The following ZKSCAN7 variants were observed in gnomAD, a reference collection of about 807,000 sequenced individuals.
ZKSCAN7 encodes zinc finger protein with KRAB and SCAN domains 7.
Under a neutral mutation model 65.3 loss-of-function variants are expected in ZKSCAN7, and 38 were observed. The ratio of observed to expected loss-of-function variants is 0.58; its 90% confidence interval spans 0.45 to 0.76. The LOEUF is 0.76. Among genes scored for constraint, ZKSCAN7 ranks in the 30% least tolerant of loss-of-function variants. The pLI, the probability that ZKSCAN7 is intolerant of heterozygous loss-of-function variation, is 0.00. For synonymous variants in ZKSCAN7, 321 were observed against 321.0 expected (o/e 1.00, Z 0.00); for missense variants, 815 against 913.3 (o/e 0.89, Z 1.39).
chr3:44,561,638 G>A (rs568779711), intron 2 of ZKSCAN7, among the ~76,000 whole-genome samples: 7 of 152,134 alleles, frequency 4.6e-5, no homozygotes, highest in African/African-American at 1.7e-4. Context: ...ATACAATGGG[G>A]ATATAGGCAT....
At chr3:44,558,874 G>GC (rs140012407) in intron 2 of ZKSCAN7, among the ~76,000 whole-genome samples, 265 of 145,636 alleles carry the variant, frequency 1.8e-3, no homozygotes, top group African/African-American at 6.6e-3. Context: ...CAGCCTCCTG[G>GC]CTCAAGTGAT....
intron 2 of ZKSCAN7, among the ~76,000 whole-genome samples, chr3:44,564,451 G>A (rs1020864939): frequency 6.6e-6 from 1 of 152,180 alleles, no homozygotes; most frequent in African/African-American, 2.4e-5. Context: ...TAGTGATCAA[G>A]ACAAAAGTTC....
intron 5 of ZKSCAN7, among the ~76,000 whole-genome samples, chr3:44,577,712 C>T (rs111509695): frequency 4.6e-5 from 7 of 152,124 alleles, no homozygotes; most frequent in African/African-American, 1.4e-4. Flanking sequence ...TTTTAGAATA[C>T]CACGGAAAAA....
chr3:44,571,656 T>A lies in ZKSCAN7; in HGVS notation c.*281T>A, dbSNP rs1699813103. The A allele has an allele frequency of 1.6e-6, 2 of 1,264,538 alleles. No individual in the cohort carries two copies. The highest frequency in any genetic ancestry group is 7.8e-5 in the Admixed American group (2 of 25,574). 78.3% of individuals were successfully genotyped at this position (1,264,538 alleles called of 1,614,324 possible). On this transcript the variant is annotated 3_prime_UTR_variant, in exon 6 of 6. Coordinates refer to ENST00000426540, the MANE Select transcript of ZKSCAN7 (RefSeq NM_001288590.2). ...ATCTATTTCATTTCTTAGTTATGCA[T>A]CTCATAATCAGACTCCATGCTTTTT...
In ZKSCAN7 at chr3:44,568,412, C is replaced by T; in HGVS notation, c.790C>T (p.His264Tyr). 1 of 1,614,144 alleles carries T rather than the reference C, an allele frequency of 6.2e-7. No homozygotes were observed. Among genetic ancestry groups the T allele is most frequent in the South Asian group, 1.1e-5 (1 of 91,072 alleles). ...GCAGTGGAACATGATGCCAGAAAATCACCATAGCATGGCCTCCTTGGGTAA... is the reference window on the plus strand; with the variant it reads ...GCAGTGGAACATGATGCCAGAAAATTACCATAGCATGGCCTCCTTGGGTAA... ...ALQWNMMPEN[H>Y]HSMASLAGEN... Residue 264 changes from histidine to tyrosine, a missense_variant, in exon 5 of 6, where the codon CAC becomes TAC. His to Tyr is a moderately conservative substitution (Grantham distance 83). This residue lies in a region of ZKSCAN7 where 578 missense variants were observed against 629.5 expected (regional missense o/e 0.92). Coordinates refer to ENST00000426540, the MANE Select transcript of ZKSCAN7 (RefSeq NM_001288590.2).
chr3:44,562,424 C>T (rs886318372), intron 2 of ZKSCAN7, among the ~76,000 whole-genome samples: 1 of 152,230 alleles, frequency 6.6e-6, no homozygotes, highest in Admixed American at 6.5e-5. Flanking sequence ...CTAAAATGCC[C>T]TGGAGACGTT....
Position 44,570,906 on chromosome 3 carries a change from G to C in ZKSCAN7, c.1796G>C (p.Arg599Pro). Reference sequence around the variant, plus strand: ...AACTCTCAACTCATTGAGCATGAGCGAATTCATACTGGAGAAAAACCTTTT... The same window carrying C: ...AACTCTCAACTCATTGAGCATGAGCCAATTCATACTGGAGAAAAACCTTTT... Reference protein sequence around the residue: ...NQNSQLIEHERIHTGEKPFEC... With the variant: ...NQNSQLIEHEPIHTGEKPFEC... Residue 599 changes from arginine to proline, a missense_variant, in exon 6 of 6, where the codon CGA (arginine) becomes CCA (proline). Physicochemically the swap from Arg to Pro is moderately radical, Grantham distance 103. Transcript: ENST00000426540. The C allele has an allele frequency of 3.1e-6, 5 of 1,614,064 alleles. No individual in the cohort carries two copies. Among genetic ancestry groups the C allele is most frequent in the Non-Finnish European group, 4.2e-6 (5 of 1,179,924 alleles).
rs777088520 is a variant in ZKSCAN7 at position 44,570,530 on chromosome 3, A to G, written c.1420A>G (p.Lys474Glu). 14 of 1,612,432 alleles carry G rather than the reference A, an allele frequency of 8.7e-6. No individual in the cohort carries two copies. The East Asian group carries it at 2.9e-4, about 33-fold the overall frequency. The change falls in exon 6 of 6, where the codon AAA (lysine) becomes GAA (glutamate). Residue 474 changes from lysine to glutamate, a missense_variant. Coordinates refer to ENST00000426540, the MANE Select transcript of ZKSCAN7 (RefSeq NM_001288590.2). ...EKPYKCNECAKAFTQSSRLTD... is the reference protein window; with the variant it reads ...EKPYKCNECAEAFTQSSRLTD... ...ACCCTATAAATGTAATGAATGTGCA[A>G]AAGCCTTTACTCAGAGTTCCCGACT...
In ZKSCAN7 at chr3:44,570,842, C is replaced by A; in HGVS notation, c.1732C>A (p.Pro578Thr). 1.2e-6 allele frequency: 2 copies of A among 1,614,182 alleles called. No homozygotes were observed. Among genetic ancestry groups the A allele is most frequent in the Non-Finnish European group, 1.7e-6 (2 of 1,180,032 alleles). ...RHQSLHTGEK[P>T]YKCSECGKAF... Reference sequence around the variant, plus strand: ...TCAGAGCCTCCATACTGGGGAAAAGCCATACAAATGTAGTGAATGTGGGAA... The same window carrying A: ...TCAGAGCCTCCATACTGGGGAAAAGACATACAAATGTAGTGAATGTGGGAA... Residue 578 changes from proline (P) to threonine (T), a missense_variant, in exon 6 of 6, where the codon CCA (proline) becomes ACA (threonine). Around this residue, in one of 3 missense-constraint regions of ZKSCAN7, gnomAD observed 578 missense variants for 629.5 expected, o/e 0.92. Transcript: ENST00000426540.
downstream of ZKSCAN7, among the ~76,000 whole-genome samples, chr3:44,573,292 A>G (rs1699857538): frequency 2.0e-5 from 3 of 152,122 alleles, no homozygotes; most frequent in South Asian, 6.2e-4. Flanking sequence ...TAAACTTAAT[A>G]GGTTTAGAGG....
chr3:44,574,420 T>C (rs985122358), downstream of ZKSCAN7, among the ~76,000 whole-genome samples: 3 of 152,224 alleles, frequency 2.0e-5, no homozygotes, highest in Non-Finnish European at 4.4e-5. Flanking sequence ...TTCAATCTTA[T>C]GCCACTTATG....
chr3:44,558,238 T>C (rs1377023521), intron 2 of ZKSCAN7, among the ~76,000 whole-genome samples: 3 of 151,954 alleles, frequency 2.0e-5, no homozygotes, highest in Non-Finnish European at 4.4e-5. Flanking sequence ...AAGAGATTTA[T>C]TGGTGGCTGG....
chr3:44,575,139 A>T (rs762114749), downstream of ZKSCAN7, among the ~76,000 whole-genome samples: 12 of 152,114 alleles, frequency 7.9e-5, no homozygotes, highest in Admixed American at 3.3e-4. Context: ...AATAAATAAA[A>T]AAATATATTA....
chr3:44,571,190 A>C lies in ZKSCAN7; in HGVS notation c.2080A>C (p.Asn694His). The change falls in exon 6 of 6, where the codon AAT (asparagine) becomes CAT (histidine). Residue 694 changes from asparagine to histidine, a missense_variant. This residue lies in a region of ZKSCAN7 where 578 missense variants were observed against 629.5 expected (regional missense o/e 0.92). Transcript: ENST00000426540. ...TACTGGGGAAAAACCCTATAAATGC[A>C]ATGATTGTGGGAAAGCTTTTAGTGA... ...THTGEKPYKCNDCGKAFSDSS... is the reference protein window; with the variant it reads ...THTGEKPYKCHDCGKAFSDSS... The C allele has an allele frequency of 6.2e-7, 1 of 1,614,210 alleles. No individual in the cohort carries two copies. The highest frequency in any genetic ancestry group is 8.5e-7 in the Non-Finnish European group (1 of 1,180,026).
intron 5 of ZKSCAN7, chr3:44,580,294 T>G: frequency 1.2e-6 from 2 of 1,613,940 alleles, no homozygotes; most frequent in Non-Finnish European, 1.7e-6. Context: ...CTCATGGCGC[T>G]CTCCTCTTCT....
chr3:44,580,530 G>A, intron 5 of ZKSCAN7: 1 of 1,613,182 alleles, frequency 6.2e-7, no homozygotes, highest in Non-Finnish European at 8.5e-7. Context: ...CTCCTGCGGT[G>A]TGGGGGGCTC....
Position 44,557,199 on chromosome 3 carries a change from A to G in ZKSCAN7, c.152A>G (p.Glu51Gly). The change falls in exon 2 of 6, where the codon GAA (glutamate) becomes GGA (glycine). Residue 51 changes from glutamate to glycine, a missense_variant. Coordinates refer to ENST00000426540, the MANE Select transcript of ZKSCAN7 (RefSeq NM_001288590.2). ...SLQKNYPPVC[E>G]IFRLHFRQLC... The stretch of plus-strand genomic sequence containing the variant: ...CAGAAGAACTATCCTCCTGTCTGCG[A>G]AATCTTCCGGCTACACTTCAGGCAA... The G allele has an allele frequency of 6.2e-7, 1 of 1,614,270 alleles. No homozygotes were observed.
intron 2 of ZKSCAN7, among the ~76,000 whole-genome samples, chr3:44,563,644 TC>T (rs1016446455): frequency 3.1e-5 from 2 of 64,876 alleles, no homozygotes; most frequent in African/African-American, 6.5e-5. Flanking sequence ...GGGGAAATCT[TC>T]CCCCCCTACC....
At chr3:44,560,920 C>T (rs955190415) in intron 2 of ZKSCAN7, among the ~76,000 whole-genome samples, 11 of 152,086 alleles carry the variant, frequency 7.2e-5, no homozygotes, top group African/African-American at 1.2e-4. Flanking sequence ...TTCCCTTGCC[C>T]GAAAGATTTA....
Sources: gnomAD v4.1 joint callset for allele counts (sites outside exome capture counted in the v4.1 genomes callset) on GRCh38, gnomAD v4.1.1 for gene constraint, gnomAD v4.1.1 regional missense constraint, MANE v1.5 for transcripts, NCBI Gene and HGNC (gene_info 2026-07-23, HGNC 2026-07-21) for gene names.